SPATA18: variants seen among roughly 807,000 people sequenced by gnomAD.
SPATA18 encodes spermatogenesis associated 18.
Under a neutral mutation model 68.1 loss-of-function variants are expected in SPATA18, and 54 were observed. That is an observed-to-expected ratio of 0.79 (90% CI 0.64 to 0.99). The LOEUF (loss-of-function observed/expected upper bound fraction) is 0.99, where lower values mean the gene tolerates loss of function less well. SPATA18 is among the 50% of genes least tolerant of loss of function. SPATA18 has a pLI of 0.00. For missense variants in SPATA18, 724 were observed against 681.1 expected, an observed-to-expected ratio of 1.06 and a Z score of -0.70; for synonymous variants, 242 against 244.8, an observed-to-expected ratio of 0.99 and a Z score of 0.11.
In SPATA18 at chr4:52,051,639, G is replaced by A. The variant is rs1215201178; in HGVS notation, c.-66G>A. ...CCGCCATATCACCCCACGGTCCTGC[G>A]GAGGCCACCGCCTGGTCCCCCCAAG... On this transcript the variant is annotated 5_prime_UTR_variant, in exon 1 of 13. Coordinates refer to ENST00000295213, the MANE Select transcript of SPATA18 (RefSeq NM_145263.4). 1.3e-6 allele frequency: 2 copies of A among 1,482,710 alleles called. No individual in the cohort carries two copies. Among genetic ancestry groups the A allele is most frequent in the Non-Finnish European group, 9.4e-7 (1 of 1,060,504 alleles). The allele number at this position is 1,482,710 out of a possible 1,614,324, so 91.8% of individuals were successfully genotyped here. A position where few individuals can be genotyped will look rare whatever the true frequency, so the allele number is the denominator to read the frequency against.
Position 52,060,622 on chromosome 4 carries a change from C to G in SPATA18, c.193+98C>G, listed in dbSNP as rs1738750881. The stretch of plus-strand genomic sequence containing the variant: ...TTTGACTGTTGGTGTGGTTGGGTTT[C>G]TCTCACTGACCTGATGACCTGATGT... On this transcript the variant is annotated intron_variant, in intron 2 of 12. Coordinates refer to ENST00000295213, the MANE Select transcript of SPATA18 (RefSeq NM_145263.4). The G allele has an allele frequency of 2.3e-6, 3 of 1,277,096 alleles. No individual in the cohort carries two copies. In the East Asian group the frequency reaches 7.1e-5, roughly 30 times the overall value. 79.1% of individuals were successfully genotyped at this position (1,277,096 alleles called of 1,614,324 possible).
intron 5 of SPATA18, among the ~76,000 whole-genome samples, chr4:52,071,392 G>A (rs542555906): frequency 4.3e-4 from 66 of 152,264 alleles, no homozygotes; most frequent in African/African-American, 1.3e-3. Context: ...AGCTAGTTTT[G>A]TGGATGTTAT....
At chr4:52,057,444 A>G (rs905118985) in intron 1 of SPATA18, among the ~76,000 whole-genome samples, 1 of 152,184 alleles carries the variant, frequency 6.6e-6, no homozygotes, top group Non-Finnish European at 1.5e-5. Flanking sequence ...TGTCTTGGGA[A>G]GGGGAACTGT....
At chr4:52,069,790 A>G in intron 4 of SPATA18, 31 bp from the exon 5 acceptor site, 1 of 1,492,130 alleles carries the variant, frequency 6.7e-7, no homozygotes, top group Non-Finnish European at 9.0e-7. Context: ...ATTTTGAAAA[A>G]TCTATCTTTA....
At chr4:52,054,791 G>A (rs1475464283) in intron 1 of SPATA18, among the ~76,000 whole-genome samples, 2 of 151,576 alleles carry the variant, frequency 1.3e-5, no homozygotes, top group Non-Finnish European at 2.9e-5. Flanking sequence ...GGATCAGTTA[G>A]TCAGAGTCTG....
At chr4:52,059,185 T>C (rs895842133) in intron 1 of SPATA18, among the ~76,000 whole-genome samples, 6 of 152,182 alleles carry the variant, frequency 3.9e-5, no homozygotes, top group Non-Finnish European at 8.8e-5. Context: ...AGATGTGCTT[T>C]TGACTTGTAA....
chr4:52,086,183 C>G (rs1328618026), intron 11 of SPATA18, among the ~76,000 whole-genome samples: 1 of 152,150 alleles, frequency 6.6e-6, no homozygotes, highest in African/African-American at 2.4e-5. Context: ...AGCTGTAGCC[C>G]CAAAGTTGCA....
Position 52,060,903 on chromosome 4 carries a change from G to T in SPATA18, c.309+6G>T. On this transcript the variant is annotated splice_donor_region_variant and intron_variant, in intron 3 of 12. Coordinates refer to ENST00000295213, the MANE Select transcript of SPATA18 (RefSeq NM_145263.4). ...GCAAGGTCCCCTCTCTGCAGGTAGG[G>T]ATGCTGAAGGATAACCCTTGACTTT... is the stretch of plus-strand genomic sequence containing the variant. The T allele has an allele frequency of 1.2e-6, 2 of 1,604,158 alleles. No homozygotes were observed. The highest frequency in any genetic ancestry group is 1.1e-5 in the South Asian group (1 of 90,856).
chr4:52,061,048 AG>A, intron 3 of SPATA18, 151 bp downstream of exon 3: 1 of 668,286 alleles, frequency 1.5e-6, no homozygotes. Flanking sequence ...GGACGGTGTT[AG>A]TTTTTGAACA....
At position 52,060,450 on chromosome 4, in the gene SPATA18, G is replaced by T. The variant is rs146976675; in HGVS notation, c.119G>T (p.Cys40Phe). Residue 40 changes from cysteine to phenylalanine, a missense_variant, in exon 2 of 13, where the codon TGC becomes TTC. Cys to Phe is a radical substitution (Grantham distance 205). Coordinates refer to ENST00000295213, the MANE Select transcript of SPATA18 (RefSeq NM_145263.4). ...TNTCDQNLNH[C>F]LELIEQVAKV... ...ACGTGTGATCAAAATCTAAACCATT[G>T]CCTTGAACTCATTGAGCAAGTTGCC... 6.2e-7 allele frequency: 1 copy of T among 1,613,998 alleles called. No individual in the cohort carries two copies. Among genetic ancestry groups the T allele is most frequent in the Non-Finnish European group, 8.5e-7 (1 of 1,179,940 alleles).
chr4:52,089,026 C>A (rs1268354437), intron 11 of SPATA18, among the ~76,000 whole-genome samples: 1 of 152,044 alleles, frequency 6.6e-6, no homozygotes, highest in Non-Finnish European at 1.5e-5. Flanking sequence ...TGTATGTGTC[C>A]AGGAATTTAT....
intron 4 of SPATA18, 69 bp from the exon 5 acceptor site, chr4:52,069,752 C>A: frequency 8.5e-7 from 1 of 1,172,278 alleles, no homozygotes; most frequent in Non-Finnish European, 1.2e-6. Context: ...CCTAAGTGAG[C>A]CTCTGCCTTG....
intron 4 of SPATA18, among the ~76,000 whole-genome samples, chr4:52,063,968 G>T (rs775793873): frequency 2.0e-5 from 3 of 152,078 alleles, no homozygotes; most frequent in African/African-American, 7.2e-5. Context: ...GTAGGGGCCA[G>T]GGTTTCCCAC....
At chr4:52,072,698 G>A (rs539452701) in intron 6 of SPATA18, among the ~76,000 whole-genome samples, 29 of 152,248 alleles carry the variant, frequency 1.9e-4, no homozygotes, top group African/African-American at 5.3e-4. Flanking sequence ...GAGCCACCAC[G>A]CCCGGCTATA....
chr4:52,052,389 G>T (rs1281279073), intron 1 of SPATA18, among the ~76,000 whole-genome samples: 1 of 152,126 alleles, frequency 6.6e-6, no homozygotes, highest in Non-Finnish European at 1.5e-5. Context: ...CTTTTTCCAG[G>T]CATTTGTGAG....
chr4:52,058,546 A>G (rs1738549452), intron 1 of SPATA18, among the ~76,000 whole-genome samples: 2 of 152,102 alleles, frequency 1.3e-5, no homozygotes, highest in Admixed American at 1.3e-4. Context: ...AAGGTTGCCA[A>G]ACTTGTTCCT....
chr4:52,090,190 A>G (rs1385787600), intron 11 of SPATA18, among the ~76,000 whole-genome samples: 1 of 152,072 alleles, frequency 6.6e-6, no homozygotes, highest in Non-Finnish European at 1.5e-5. Flanking sequence ...ACGTGAGATC[A>G]GTTTCCTGAA....
At chr4:52,060,977 A>G in intron 3 of SPATA18, 80 bp downstream of exon 3, 1 of 1,173,346 alleles carries the variant, frequency 8.5e-7, no homozygotes, top group Non-Finnish European at 1.2e-6. Flanking sequence ...GAAGAAGAGG[A>G]CTTGATTTTG....
Position 52,071,929 on chromosome 4 carries a change from T to G in SPATA18, c.531T>G (p.Leu177=), listed in dbSNP as rs1235579568. Residue 177 remains leucine, a synonymous_variant, in exon 6 of 13, where the codon CTT becomes CTG. Coordinates refer to ENST00000295213, the MANE Select transcript of SPATA18 (RefSeq NM_145263.4). Reference sequence around the variant, plus strand: ...CTTTGCTGTTCAGGCTTAAATCTCTTCAAGCTCAGGAGGATGCCCGCCACA... The same window carrying G: ...CTTTGCTGTTCAGGCTTAAATCTCTGCAAGCTCAGGAGGATGCCCGCCACA... ...INQLKKQLKS[L]QAQEDARHRN... 1 of 1,613,314 alleles carries G rather than the reference T, an allele frequency of 6.2e-7. No homozygotes were observed. Among genetic ancestry groups the G allele is most frequent in the South Asian group, 1.1e-5 (1 of 91,026 alleles).
Sources: gnomAD v4.1 joint callset for allele counts (sites outside exome capture counted in the v4.1 genomes callset) on GRCh38, gnomAD v4.1.1 for gene constraint, MANE v1.5 for transcripts, NCBI Gene and HGNC (gene_info 2026-07-23, HGNC 2026-07-21) for gene names.